Variants in THOC2 observed in about 807,000 individuals in gnomAD.
THOC2 encodes the protein THO complex subunit 2, also known as THO complex 2.
A neutral mutation model predicts 128.4 loss-of-function variants in THOC2; 10 were observed. That is an observed-to-expected ratio of 0.08 (90% CI 0.05 to 0.13). The LOEUF (loss-of-function observed/expected upper bound fraction) is 0.13. Ranked by LOEUF, THOC2 falls within the 10% of genes least tolerant of loss-of-function variation. The pLI, the probability that THOC2 is intolerant of heterozygous loss-of-function variation, is 1.00. For synonymous variants in THOC2, 393 were observed against 396.9 expected (o/e 0.99, Z 0.12); for missense variants, 535 against 1,155.7 (o/e 0.46, Z 7.79).
intron 4 of THOC2, among the ~76,000 whole-genome samples, chrX:123,699,779 T>C (rs1463314589): frequency 8.9e-6 from 1 of 112,169 alleles, no homozygotes; most frequent in Non-Finnish European, 1.9e-5. Flanking sequence ...TGAATTATTT[T>C]AGCTCATTAA....
At chrX:123,611,004 G>A (rs373509339) in intron 37 of THOC2, 41 bp from the exon 38 acceptor site, 53 of 1,170,408 alleles carry the variant, frequency 4.5e-5, no homozygotes, top group East Asian at 1.2e-4. Flanking sequence ...TGGGAATGGC[G>A]GAAAGAACAG....
At chrX:123,682,674 T>C (rs182911017) in intron 8 of THOC2, among the ~76,000 whole-genome samples, 23 of 112,167 alleles carry the variant, frequency 2.1e-4, no homozygotes, top group Admixed American at 1.3e-3. Context: ...ATCTCATTAA[T>C]TGTTTTCTAA....
chrX:123,668,014 C>A, intron 10 of THOC2, 145 bp downstream of exon 10: 1 of 404,845 alleles, frequency 2.5e-6, no homozygotes, highest in Non-Finnish European at 4.0e-6. Context: ...AAAAATAAAA[C>A]CACTGTAGCA....
chrX:123,627,569 A>T, intron 23 of THOC2, 124 bp downstream of exon 23: 1 of 736,020 alleles, frequency 1.4e-6, no homozygotes, highest in Non-Finnish European at 1.9e-6. Context: ...AACCCCATTT[A>T]AGAAAATATT....
rs781438675 is a variant in THOC2 at position 123,712,844 on chromosome X, T to C, written c.130+6A>G. On this transcript the variant is annotated splice_donor_region_variant and intron_variant, in intron 2 of 38. Coordinates refer to ENST00000245838, the MANE Select transcript of THOC2 (RefSeq NM_001081550.2). ...GAAATAACTAAGATACTTTTAAAAA[T>C]CTTACCTCTGTATGTTGAACTATCA... 2 of 1,125,126 alleles carry C rather than the reference T, an allele frequency of 1.8e-6. No individual in the cohort carries two copies. Among genetic ancestry groups the C allele is most frequent in the Non-Finnish European group, 2.4e-6 (2 of 836,315 alleles). The allele number at this position is 1,125,126 out of a possible 1,213,427, so 92.7% of individuals were successfully genotyped here. A position where few individuals can be genotyped will look rare whatever the true frequency, so the allele number is the denominator to read the frequency against.
intron 37 of THOC2, 151 bp from the exon 38 acceptor site, chrX:123,611,114 C>G: frequency 2.0e-6 from 1 of 505,273 alleles, no homozygotes; most frequent in East Asian, 3.7e-5. Context: ...TCTGACTCAT[C>G]ATTTTGCCCT....
At chrX:123,626,474 T>C (rs753595363) in intron 24 of THOC2, 47 bp downstream of exon 24, 32 of 1,129,780 alleles carry the variant, frequency 2.8e-5, no homozygotes, top group Non-Finnish European at 3.7e-5. Context: ...ATGTTTTGTT[T>C]TCTGTAATTT....
At chrX:123,677,447 A>T (rs926952889) in intron 8 of THOC2, among the ~76,000 whole-genome samples, 5 of 112,161 alleles carry the variant, frequency 4.5e-5, no homozygotes, top group Non-Finnish European at 9.4e-5. Context: ...TTCTTACCTT[A>T]TAAGTTTTTT....
At position 123,621,714 on chromosome X, in the gene THOC2, T is replaced by C. The variant is rs1212560032; in HGVS notation, c.3786-127A>G. On this transcript the variant is annotated intron_variant, in intron 30 of 38. Transcript: ENST00000245838. ...ATACTAGAACTAAGGGGGAGTCCTTTGAAAACTAAAGGACAACTTTAAGAC... is the reference window on the plus strand; with the variant it reads ...ATACTAGAACTAAGGGGGAGTCCTTCGAAAACTAAAGGACAACTTTAAGAC... 9.4e-6 allele frequency: 5 copies of C among 532,373 alleles called. No individual in the cohort carries two copies. In the African/African-American group the frequency reaches 1.2e-4, roughly 13 times the overall value. 43.9% of individuals were successfully genotyped at this position (532,373 alleles called of 1,213,427 possible). A position where few individuals can be genotyped will look rare whatever the true frequency, so the allele number is the denominator to read the frequency against.
chrX:123,670,887 T>G (rs764929575), intron 9 of THOC2, among the ~76,000 whole-genome samples: 23 of 112,063 alleles, frequency 2.1e-4, no homozygotes, highest in Admixed American at 8.5e-4. Flanking sequence ...AAGACCAAGT[T>G]TTACTCAACT....
At chrX:123,688,650 G>A (rs185374750) in intron 7 of THOC2, among the ~76,000 whole-genome samples, 108 of 111,160 alleles carry the variant, frequency 9.7e-4, no homozygotes, top group African/African-American at 3.3e-3. Context: ...TTGAGCCAGG[G>A]AGGCAGAGGC....
chrX:123,703,817 G>A (rs1227532478), intron 3 of THOC2, among the ~76,000 whole-genome samples: 1 of 96,409 alleles, frequency 1.0e-5, no homozygotes. Flanking sequence ...TTTGAGCCCG[G>A]GAGGTGGAAG....
chrX:123,680,913 A>G (rs2049745523), intron 8 of THOC2, among the ~76,000 whole-genome samples: 1 of 111,148 alleles, frequency 9.0e-6, no homozygotes, highest in Admixed American at 9.7e-5. Flanking sequence ...CTGCTGCCAC[A>G]CACAATCAGA....
At chrX:123,668,341 A>G in intron 9 of THOC2, 27 bp from the exon 10 acceptor site, 1 of 1,054,591 alleles carries the variant, frequency 9.5e-7, no homozygotes, top group South Asian at 2.3e-5. Context: ...AAAATTTCAT[A>G]AAATAGCTAA....
chrX:123,665,622 G>A lies in THOC2; in HGVS notation c.1386+20C>T, dbSNP rs1902262725. Reference sequence around the variant, plus strand: ...TATTTTCATTTCAAAATTTAGGTTTGTAAGAAAAATCTTACTTACCTCCTT... The same window carrying A: ...TATTTTCATTTCAAAATTTAGGTTTATAAGAAAAATCTTACTTACCTCCTT... On this transcript the variant is annotated intron_variant, in intron 12 of 38. Transcript: ENST00000245838. 1 of 1,082,053 alleles carries A rather than the reference G, an allele frequency of 9.2e-7. No homozygotes were observed. Among genetic ancestry groups the A allele is most frequent in the Non-Finnish European group, 1.2e-6 (1 of 812,948 alleles). 89.2% of individuals were successfully genotyped at this position (1,082,053 alleles called of 1,213,427 possible).
chrX:123,678,858 A>G (rs1370210197), intron 8 of THOC2, among the ~76,000 whole-genome samples: 3 of 110,652 alleles, frequency 2.7e-5, no homozygotes, highest in Non-Finnish European at 5.7e-5. Flanking sequence ...TCAGTAAGAA[A>G]ATTAGATCAA....
chrX:123,662,997 A>G (rs1283950368), intron 12 of THOC2, among the ~76,000 whole-genome samples: 2 of 112,158 alleles, frequency 1.8e-5, no homozygotes, highest in African/African-American at 6.5e-5. Context: ...AGTCTCATAC[A>G]ATAGCTGTTA....
chrX:123,628,091 C>T (rs2047330659), intron 22 of THOC2, 123 bp from the exon 23 acceptor site: 2 of 553,023 alleles, frequency 3.6e-6, no homozygotes, highest in African/African-American at 4.7e-5. Flanking sequence ...AATCTCAAAA[C>T]TGTTGTAGAA....
chrX:123,725,447 G>GA lies in THOC2; in HGVS notation c.71+7504dup, dbSNP rs200385541. On this transcript the variant is annotated intron_variant, in intron 1 of 38. Coordinates refer to ENST00000245838, the MANE Select transcript of THOC2 (RefSeq NM_001081550.2). ...TCTCTACAAAAAAAAAAAAAAAATAGAAAAAAAAAGTAGCCAAGTGTGGTG... is the reference window on the plus strand; with the variant it reads ...TCTCTACAAAAAAAAAAAAAAAATAGAAAAAAAAAAGTAGCCAAGTGTGGTG... Among the ~76,000 whole-genome samples, 532 of 95,636 alleles carry GA rather than the reference G, an allele frequency of 5.6e-3. 6 individuals carry two copies. The highest frequency in any genetic ancestry group is 0.019 in the African/African-American group (501 of 26,056). The allele number at this position is 95,636 out of a possible 115,157, so 83.0% of individuals were successfully genotyped here. A position where few individuals can be genotyped will look rare whatever the true frequency, so the allele number is the denominator to read the frequency against.
Sources: allele counts gnomAD v4.1 joint callset (sites outside exome capture counted in the v4.1 genomes callset), GRCh38; gene constraint gnomAD v4.1.1; transcripts MANE v1.5; gene names NCBI Gene and HGNC (gene_info 2026-07-23, HGNC 2026-07-21).